FA2H: variants seen among roughly 807,000 people sequenced by gnomAD.
FA2H encodes fatty acid alpha-hydroxylase.
A neutral mutation model predicts 44.9 loss-of-function variants in FA2H; 22 were observed. The observed-to-expected ratio is 0.49, with a 90% CI of 0.35 to 0.70. FA2H has a LOEUF of 0.70. Ranked by LOEUF, FA2H falls within the 30% of genes least tolerant of loss-of-function variation. FA2H has a pLI of 0.01. For synonymous variants in FA2H, 243 were observed against 213.2 expected, an observed-to-expected ratio of 1.14 and a Z score of -1.22; for missense variants, 501 against 504.9, an observed-to-expected ratio of 0.99 and a Z score of 0.07.
chr16:74,758,466 A>G lies in FA2H; in HGVS notation c.270+16020T>C, dbSNP rs561847586. ...GTTCGTCTTAACTATTTAAATTTTT[A>G]TGAACTATATTAATATGTAATTATT... On this transcript the variant is annotated intron_variant, in intron 1 of 6. Coordinates refer to ENST00000219368, the MANE Select transcript of FA2H (RefSeq NM_024306.5). 5.9e-5 allele frequency among the ~76,000 whole-genome samples: 9 copies of G among 152,226 alleles called. No individual in the cohort carries two copies. The South Asian group carries it at 1.7e-3, about 28-fold the overall frequency.
chr16:74,749,681 AG>A (rs1393360819), intron 1 of FA2H, among the ~76,000 whole-genome samples: 1 of 152,204 alleles, frequency 6.6e-6, no homozygotes, highest in Non-Finnish European at 1.5e-5. Flanking sequence ...AAAAGGGGCC[AG>A]TGGTTTGAAA....
At chr16:74,742,557 G>A (rs1190870687) in intron 1 of FA2H, among the ~76,000 whole-genome samples, 1 of 152,232 alleles carries the variant, frequency 6.6e-6, no homozygotes, top group Non-Finnish European at 1.5e-5. Context: ...TTCAAAGGCA[G>A]GCACGGTAGC....
intron 3 of FA2H, among the ~76,000 whole-genome samples, chr16:74,726,976 T>C (rs1340638556): frequency 6.6e-6 from 1 of 152,200 alleles, no homozygotes; most frequent in Non-Finnish European, 1.5e-5. Flanking sequence ...ATGCGCATCG[T>C]GGGCAAGAAA....
At chr16:74,716,643 C>T (rs1389444701) in intron 5 of FA2H, 44 bp from the exon 6 acceptor site, 1 of 1,518,234 alleles carries the variant, frequency 6.6e-7, no homozygotes, top group Non-Finnish European at 8.8e-7. Flanking sequence ...GCCAGGGGCC[C>T]CGGCAGCTGG....
At chr16:74,761,457 AAAAAGAAAGAAAGAAAG>A (rs944947578) in intron 1 of FA2H, among the ~76,000 whole-genome samples, 2 of 92,178 alleles carry the variant, frequency 2.2e-5, no homozygotes, top group African/African-American at 4.4e-5. Flanking sequence ...TGTCTCAAAA[AAAAAGAAAGAAAGAAAG>A]AAAGAAAGAA....
rs189070421 is a variant in FA2H at position 74,730,558 on chromosome 16, C to A, written c.364-3172G>T. On this transcript the variant is annotated intron_variant, in intron 2 of 6. Transcript: ENST00000219368. ...AGGTCTGTAAACACACACACACACA[C>A]ACCCTGCACCACCACAACCGCTACC... 6.8e-3 allele frequency among the ~76,000 whole-genome samples: 1,041 copies of A among 152,178 alleles called. 1 individual carries two copies. Among genetic ancestry groups the A allele is most frequent in the Non-Finnish European group, 7.9e-3 (535 of 68,010 alleles).
At chr16:74,735,668 A>G (rs1962166667) in intron 2 of FA2H, among the ~76,000 whole-genome samples, 4 of 152,186 alleles carry the variant, frequency 2.6e-5, no homozygotes, top group Admixed American at 1.3e-4. Flanking sequence ...GATATCCTTT[A>G]GTACATTCCA....
intron 2 of FA2H, among the ~76,000 whole-genome samples, chr16:74,728,747 A>G (rs1205859435): frequency 7.6e-6 from 1 of 131,156 alleles, no homozygotes; most frequent in East Asian, 2.2e-4. Flanking sequence ...TATTATTTCT[A>G]TTTATTTGTG....
chr16:74,741,830 GTGTGTGTATGT>G (rs1243197626), intron 1 of FA2H, among the ~76,000 whole-genome samples: 1 of 119,800 alleles, frequency 8.3e-6, no homozygotes, highest in Non-Finnish European at 1.8e-5. Context: ...GTGTGTGTGT[GTGTGTGTATGT>G]GTGTGTATGT....
rs931541033 is a variant in FA2H at position 74,716,415 on chromosome 16, T to C, written c.971A>G (p.His324Arg). 1 of 1,613,854 alleles carries C rather than the reference T, an allele frequency of 6.2e-7. No homozygotes were observed. Among genetic ancestry groups the C allele is most frequent in the African/African-American group, 1.3e-5 (1 of 74,836 alleles). ...CAGGCTGTACAGGTAGGAGCCCTTG[T>C]GCGGCGAGCCAAAGTGCAGGTAGTA... ...THYYLHFGSP[H>R]KGSYLYSLKA... The change falls in exon 6 of 7, where the codon CAC becomes CGC. Residue 324 changes from histidine (H) to arginine (R), a missense_variant. By Grantham distance (29) the His-to-Arg change is conservative. Transcript: ENST00000219368.
intron 2 of FA2H, among the ~76,000 whole-genome samples, chr16:74,738,486 C>T (rs1962224559): frequency 6.6e-6 from 1 of 152,194 alleles, no homozygotes; most frequent in Non-Finnish European, 1.5e-5. Context: ...CTCCCGTCCC[C>T]AGCCAGCCTC....
rs78580438 is a variant in FA2H at position 74,765,992 on chromosome 16, A to G, written c.270+8494T>C. Among the ~76,000 whole-genome samples the G allele has an allele frequency of 6.9e-3, 1,049 of 151,980 alleles. 6 individuals are homozygous for G. The highest frequency in any genetic ancestry group is 0.024 in the African/African-American group (990 of 41,496). Reference sequence around the variant, plus strand: ...AAACAATAGGGAAGACAAGAGCCACAGTGGAAATATGTTAAATAAGAAAGA... The same window carrying G: ...AAACAATAGGGAAGACAAGAGCCACGGTGGAAATATGTTAAATAAGAAAGA... On this transcript the variant is annotated intron_variant, in intron 1 of 6. Coordinates refer to ENST00000219368, the MANE Select transcript of FA2H (RefSeq NM_024306.5).
chr16:74,765,066 A>C (rs1962783875), intron 1 of FA2H, among the ~76,000 whole-genome samples: 1 of 152,176 alleles, frequency 6.6e-6, no homozygotes, highest in Non-Finnish European at 1.5e-5. Flanking sequence ...ACCGAGGACA[A>C]AGGCAGAAAT....
intron 1 of FA2H, among the ~76,000 whole-genome samples, chr16:74,755,641 A>G (rs1457816051): frequency 6.6e-6 from 1 of 152,208 alleles, no homozygotes; most frequent in Non-Finnish European, 1.5e-5. Context: ...TTTTGTTAGG[A>G]AAATTTCAAA....
At position 74,714,277 on chromosome 16, in the gene FA2H, G is replaced by C. The variant is rs1244477070; in HGVS notation, c.1040-8C>G. On this transcript the variant is annotated splice_polypyrimidine_tract_variant and splice_region_variant and intron_variant, in intron 6 of 6. Transcript: ENST00000219368. ...TAGTGCTGATACCAAATCCTAGAGA[G>C]GGAGACAAACGGGGAGAAGATGAGG... 9 of 1,542,272 alleles carry C rather than the reference G, an allele frequency of 5.8e-6. No homozygotes were observed. Among genetic ancestry groups the C allele is most frequent in the Non-Finnish European group, 7.9e-6 (9 of 1,136,788 alleles).
intron 1 of FA2H, among the ~76,000 whole-genome samples, chr16:74,743,891 A>G (rs1962363280): frequency 6.6e-6 from 1 of 152,202 alleles, no homozygotes; most frequent in East Asian, 1.9e-4. Context: ...AGCCAGCGTC[A>G]CGCGGTGTCA....
At chr16:74,753,705 G>T (rs1962568294) in intron 1 of FA2H, among the ~76,000 whole-genome samples, 1 of 151,962 alleles carries the variant, frequency 6.6e-6, no homozygotes, top group Non-Finnish European at 1.5e-5. Flanking sequence ...AGCACTGCCT[G>T]CCAAGCCACA....
intron 1 of FA2H, among the ~76,000 whole-genome samples, chr16:74,740,968 G>A (rs1262386656): frequency 6.6e-6 from 1 of 152,232 alleles, no homozygotes; most frequent in Non-Finnish European, 1.5e-5. Context: ...CAACACCCGA[G>A]TGCCAGTCAG....
chr16:74,739,930 T>G, intron 2 of FA2H, 93 bp downstream of exon 2: 1 of 953,248 alleles, frequency 1.0e-6, no homozygotes, highest in Non-Finnish European at 1.7e-6. Flanking sequence ...GCACACGTCA[T>G]GCCCACTCCC....
Sources: gnomAD v4.1 joint callset for allele counts (sites outside exome capture counted in the v4.1 genomes callset) on GRCh38, gnomAD v4.1.1 for gene constraint, MANE v1.5 for transcripts, NCBI Gene and HGNC (gene_info 2026-07-23, HGNC 2026-07-21) for gene names.